BRIP1: variants seen among roughly 807,000 people sequenced by gnomAD.
BRIP1 encodes the protein BRCA1 interacting DNA helicase 1, also known as Fanconi anemia group J protein.
A neutral mutation model predicts 119.7 loss-of-function variants in BRIP1; 88 were observed. The ratio of observed to expected loss-of-function variants is 0.74; its 90% CI spans 0.62 to 0.88. The LOEUF (loss-of-function observed/expected upper bound fraction) is 0.88, where lower values mean the gene tolerates loss of function less well. Ranked by LOEUF, BRIP1 falls within the 40% of genes least tolerant of loss-of-function variation. The pLI is 0.00. For synonymous variants in BRIP1, 443 were observed against 496.5 expected (o/e 0.89, Z 1.43); for missense variants, 1,259 against 1,455.4 (o/e 0.87, Z 2.20).
Position 61,853,233 on chromosome 17 carries a change from A to T in BRIP1, c.379+3825T>A, listed in dbSNP as rs569553560. On this transcript the variant is annotated intron_variant, in intron 4 of 19. Coordinates refer to ENST00000259008, the MANE Select transcript of BRIP1 (RefSeq NM_032043.3). This position sits in a 1 kb window ranked among gnomAD's most constrained non-coding sequence, Gnocchi z 4.3. ...GACACAAGATTACATATATAATTCC[A>T]TTTTTTTTTTTTGAGATGGAGTTTC... Among the ~76,000 whole-genome samples the T allele has an allele frequency of 4.1e-5, 6 of 147,838 alleles. No homozygotes were observed. Among genetic ancestry groups the T allele is most frequent in the Admixed American group, 2.7e-4 (4 of 14,784 alleles).
intron 17 of BRIP1, among the ~76,000 whole-genome samples, chr17:61,702,972 CTT>C (rs61428664): frequency 0.23 from 28,785 of 125,382 alleles, 2,837 homozygotes; most frequent in Admixed American, 0.41. Context: ...AGCATCTGTT[CTT>C]TTTTTTTTTT....
rs966145978 is a variant in BRIP1, at chr17:61,680,603, C to T, written c.*2693G>A. On this transcript the variant is annotated 3_prime_UTR_variant, in exon 20 of 20. Coordinates refer to ENST00000259008, the MANE Select transcript of BRIP1 (RefSeq NM_032043.3). Reference sequence around the variant, plus strand: ...CACGCCATTCTCCTGCCTCAGCCTCCTGAGTAGCTGGGACTACAGGCGCCC... The same window carrying T: ...CACGCCATTCTCCTGCCTCAGCCTCTTGAGTAGCTGGGACTACAGGCGCCC... 1.3e-5 allele frequency among the ~76,000 whole-genome samples: 2 copies of T among 151,248 alleles called. No individual in the cohort carries two copies. The highest frequency in any genetic ancestry group is 2.9e-5 in the Non-Finnish European group (2 of 67,864).
intron 11 of BRIP1, 122 bp downstream of exon 11, chr17:61,784,148 C>A: frequency 1.2e-6 from 1 of 836,424 alleles, no homozygotes; most frequent in African/African-American, 1.7e-5. Flanking sequence ...ATAATAATAT[C>A]TATAACACTT....
Position 61,799,202 on chromosome 17 carries a change from A to T in BRIP1, c.1238T>A (p.Val413Asp), listed in dbSNP as rs45576134. ...TTCATCCCGAGCAAACCGAAGCTGA[A>T]CTTCTGTTACACTGTAACTTGCTGA... Reference protein sequence around the residue: ...RESASYSVTEVQLRFARDELD... With the variant: ...RESASYSVTEDQLRFARDELD... The change falls in exon 9 of 20, where the codon GTT becomes GAT. Residue 413 changes from valine (V) to aspartate (D), a missense_variant. Val to Asp is a radical substitution (Grantham distance 152). This residue lies in a region of BRIP1 where 501 missense variants were observed against 544.0 expected (regional missense o/e 0.92). Transcript: ENST00000259008. The surrounding 1 kb of genome is among the most constrained non-coding windows in gnomAD (Gnocchi z 5.1). 1.2e-6 allele frequency: 2 copies of T among 1,613,564 alleles called. No homozygotes were observed. The highest frequency in any genetic ancestry group is 2.2e-5 in the South Asian group (2 of 91,068).
rs1375969122 is a variant in BRIP1, at chr17:61,769,265, TA to T, written c.2097+7135del. ...CTGACCCACAGAAAGAGTAAGATGA[TA>T]AATGTGTACTGTTTTACGGTGCTAA... is the stretch of plus-strand genomic sequence containing the variant. On this transcript the variant is annotated intron_variant, in intron 14 of 19. Transcript: ENST00000259008. The surrounding 1 kb of genome is among the most constrained non-coding windows in gnomAD (Gnocchi z 4.9). Among the ~76,000 whole-genome samples the T allele has an allele frequency of 6.6e-6, 1 of 152,194 alleles. No individual in the cohort carries two copies. The highest frequency in any genetic ancestry group is 2.4e-5 in the African/African-American group (1 of 41,454).
Position 61,725,287 on chromosome 17 carries a change from T to G in BRIP1, c.2380-9224A>C, listed in dbSNP as rs2076751721. The stretch of plus-strand genomic sequence containing the variant: ...TTGTTACTTACTTTCCCTGTTACGT[T>G]ACAACTTGACCACAATAATCTATCA... On this transcript the variant is annotated intron_variant, in intron 16 of 19. Transcript: ENST00000259008. The surrounding 1 kb of genome is among the most constrained non-coding windows in gnomAD (Gnocchi z 5.3). Among the ~76,000 whole-genome samples the G allele has an allele frequency of 6.6e-6, 1 of 152,230 alleles. No homozygotes were observed. The highest frequency in any genetic ancestry group is 2.1e-4 in the South Asian group (1 of 4,838).
chr17:61,688,462 C>T (rs2061393006), intron 18 of BRIP1, among the ~76,000 whole-genome samples: 4 of 152,134 alleles, frequency 2.6e-5, no homozygotes, highest in East Asian at 3.9e-4. Flanking sequence ...ACATGGGCGA[C>T]AGAGTGAGAC....
intron 14 of BRIP1, among the ~76,000 whole-genome samples, chr17:61,773,093 G>A (rs1292872585): frequency 1.3e-5 from 2 of 151,776 alleles, no homozygotes; most frequent in Non-Finnish European, 2.9e-5. Context: ...CAAACAACAA[G>A]GTTTTAATGA....
chr17:61,821,288 G>A (rs2078320127), intron 6 of BRIP1, among the ~76,000 whole-genome samples: 1 of 152,166 alleles, frequency 6.6e-6, no homozygotes, highest in Admixed American at 6.5e-5. Flanking sequence ...CATGAAGACT[G>A]GTTGTGGGAA....
intron 6 of BRIP1, among the ~76,000 whole-genome samples, chr17:61,830,300 T>A (rs1434534667): frequency 9.5e-5 from 13 of 137,292 alleles, no homozygotes; most frequent in South Asian, 2.3e-4. Context: ...CAATGGTAAT[T>A]AAAAAAAAAA....
chr17:61,847,816 T>C (rs536939368), intron 5 of BRIP1, among the ~76,000 whole-genome samples: 131 of 152,302 alleles, frequency 8.6e-4, no homozygotes, highest in African/African-American at 2.3e-3. Flanking sequence ...CACTATATAA[T>C]TGGGGAGAAA....
At position 61,752,118 on chromosome 17, in the gene BRIP1, TG is replaced by T. The variant is rs1603306856; in HGVS notation, c.2098-7528del. 6.6e-6 allele frequency among the ~76,000 whole-genome samples: 1 copy of T among 152,166 alleles called. No homozygotes were observed. The highest frequency in any genetic ancestry group is 1.5e-5 in the Non-Finnish European group (1 of 68,026). ...ATGTTCTATTTCTTAAGCTGGGTGA[TG>T]GATACTCAGATCTCCATTTTATTAT... On this transcript the variant is annotated intron_variant, in intron 14 of 19. Coordinates refer to ENST00000259008, the MANE Select transcript of BRIP1 (RefSeq NM_032043.3). This position sits in a 1 kb window ranked among gnomAD's most constrained non-coding sequence, Gnocchi z 6.2.
At chr17:61,696,661 A>G in intron 17 of BRIP1, among the ~76,000 whole-genome samples, 2 of 133,560 alleles carry the variant, frequency 1.5e-5, no homozygotes, top group Admixed American at 7.8e-5. Flanking sequence ...TTCCAGCCTG[A>G]GTGACAGAGT....
At position 61,852,892 on chromosome 17, in the gene BRIP1, G is replaced by A. The variant is rs111293855; in HGVS notation, c.380-3636C>T. On this transcript the variant is annotated intron_variant, in intron 4 of 19. Coordinates refer to ENST00000259008, the MANE Select transcript of BRIP1 (RefSeq NM_032043.3). This position sits in a 1 kb window ranked among gnomAD's most constrained non-coding sequence, Gnocchi z 4.9. ...TCATATACTGCTGCAGGGGTTGGAG[G>A]GATCTGACCGGGGACGCATAAATTG... is the stretch of plus-strand genomic sequence containing the variant. Among the ~76,000 whole-genome samples the A allele has an allele frequency of 9.2e-5, 14 of 152,140 alleles. No individual in the cohort carries two copies. The highest frequency in any genetic ancestry group is 2.9e-4 in the African/African-American group (12 of 41,528).
intron 6 of BRIP1, among the ~76,000 whole-genome samples, chr17:61,836,960 C>T (rs1716095213): frequency 6.6e-6 from 1 of 152,196 alleles, no homozygotes; most frequent in African/African-American, 2.4e-5. Flanking sequence ...CCAGCTTCTA[C>T]TCACCAGGTT....
At position 61,724,526 on chromosome 17, in the gene BRIP1, G is replaced by GA. The variant is rs1262222051; in HGVS notation, c.2380-8464dup. ...TTTTTAAAGTTTATCAGTAGCTTCT[G>GA]AAAAAATAAATGGTGTGATAAATAT... On this transcript the variant is annotated intron_variant, in intron 16 of 19. Transcript: ENST00000259008. This position sits in a 1 kb window ranked among gnomAD's most constrained non-coding sequence, Gnocchi z 5.1. Among the ~76,000 whole-genome samples, 2 of 151,976 alleles carry GA rather than the reference G, an allele frequency of 1.3e-5. No homozygotes were observed. Among genetic ancestry groups the GA allele is most frequent in the African/African-American group, 4.8e-5 (2 of 41,394 alleles).
chr17:61,789,900 C>T lies in BRIP1; in HGVS notation c.1473+3697G>A, dbSNP rs187488715. ...GTTTATGAGTCATTTTTCTTTGTGC[C>T]ATTCTGTATTTTCCAGTTTTTTTCC... is the stretch of plus-strand genomic sequence containing the variant. On this transcript the variant is annotated intron_variant, in intron 10 of 19. Coordinates refer to ENST00000259008, the MANE Select transcript of BRIP1 (RefSeq NM_032043.3). This position sits in a 1 kb window ranked among gnomAD's most constrained non-coding sequence, Gnocchi z 4.8. Among the ~76,000 whole-genome samples the T allele has an allele frequency of 2.0e-5, 3 of 152,204 alleles. No homozygotes were observed. The highest frequency in any genetic ancestry group is 6.5e-5 in the Admixed American group (1 of 15,280).
Position 61,852,142 on chromosome 17 carries a change from A to C in BRIP1, c.380-2886T>G, listed in dbSNP as rs1171928545. On this transcript the variant is annotated intron_variant, in intron 4 of 19. Transcript: ENST00000259008. The surrounding 1 kb of genome is among the most constrained non-coding windows in gnomAD (Gnocchi z 4.9). ...GAATGTCCACCCAAAATGATCATTT[A>C]GTTTTAGAAAACTGAACTGCCATGT... Among the ~76,000 whole-genome samples, 1 of 152,234 alleles carries C rather than the reference A, an allele frequency of 6.6e-6. No individual in the cohort carries two copies. The highest frequency in any genetic ancestry group is 1.5e-5 in the Non-Finnish European group (1 of 68,040).
rs1253712046 is a variant in BRIP1 at position 61,708,988 on chromosome 17, G to C, written c.2492+6963C>G. Among the ~76,000 whole-genome samples the C allele has an allele frequency of 3.3e-5, 5 of 152,164 alleles. No individual in the cohort carries two copies. Among genetic ancestry groups the C allele is most frequent in the Non-Finnish European group, 2.9e-5 (2 of 68,032 alleles). ...CTCCATCTTTAATACGTCCTCAGCT[G>C]TGCCTGGTGTTGAAGAATACAGAGT... is the stretch of plus-strand genomic sequence containing the variant. On this transcript the variant is annotated intron_variant, in intron 17 of 19. Transcript: ENST00000259008. The surrounding 1 kb of genome is among the most constrained non-coding windows in gnomAD (Gnocchi z 4.4).
Sources: gnomAD v4.1 joint callset for allele counts (sites outside exome capture counted in the v4.1 genomes callset) on GRCh38, gnomAD v4.1.1 for gene constraint, gnomAD v4.1.1 regional missense constraint, Gnocchi (gnomAD v3.1) non-coding constraint, MANE v1.5 for transcripts, NCBI Gene and HGNC (gene_info 2026-07-23, HGNC 2026-07-21) for gene names.